The following U2AF2 variants were observed in gnomAD, a reference collection of about 807,000 sequenced individuals.
The protein encoded by U2AF2 is U2 small nuclear RNA auxiliary factor 2, also known as splicing factor U2AF 65 kDa subunit.
A neutral mutation model predicts 52.6 loss-of-function variants in U2AF2; 6 were observed. The ratio of observed to expected loss-of-function variants is 0.11; its 90% CI spans 0.06 to 0.23. The LOEUF is 0.23. Among genes scored for constraint, U2AF2 ranks in the 10% least tolerant of loss-of-function variants. The pLI, the probability that U2AF2 is intolerant of heterozygous loss-of-function variation, is 1.00. For missense variants in U2AF2, 222 were observed against 677.1 expected (o/e 0.33, Z 7.46); for synonymous variants, 284 against 258.2 (o/e 1.10, Z -0.96).
At chr19:55,659,722 G>A (rs1308124892) in intron 2 of U2AF2, among the ~76,000 whole-genome samples, 1 of 152,084 alleles carries the variant, frequency 6.6e-6, no homozygotes, top group African/African-American at 2.4e-5. Flanking sequence ...CTTCGAGGGG[G>A]TTGGTCTCTG....
intron 3 of U2AF2, 134 bp from the exon 4 acceptor site, chr19:55,660,382 C>T (rs1416720505): frequency 9.2e-7 from 1 of 1,086,284 alleles, no homozygotes; most frequent in African/African-American, 1.6e-5. Flanking sequence ...GCCCCAGACC[C>T]TCTCCTTCCC....
chr19:55,664,581 G>A (rs1365725017), intron 7 of U2AF2, among the ~76,000 whole-genome samples: 2 of 152,166 alleles, frequency 1.3e-5, no homozygotes, highest in South Asian at 2.1e-4. Flanking sequence ...TTCTGCTGGC[G>A]GGTACTCACT....
intron 7 of U2AF2, among the ~76,000 whole-genome samples, chr19:55,665,030 A>G (rs1284284138): frequency 2.6e-5 from 4 of 152,072 alleles, no homozygotes; most frequent in Non-Finnish European, 4.4e-5. Flanking sequence ...GTGCTTTTCC[A>G]TCATGGGTTT....
intron 2 of U2AF2, 74 bp from the exon 3 acceptor site, chr19:55,660,103 G>C: frequency 6.9e-7 from 1 of 1,443,908 alleles, no homozygotes; most frequent in Non-Finnish European, 9.5e-7. Context: ...CAGTGCCCTT[G>C]GGGGGGTGTG....
chr19:55,669,795 C>T (rs914120464), intron 11 of U2AF2, 103 bp downstream of exon 11: 41 of 1,434,390 alleles, frequency 2.9e-5, no homozygotes, highest in Non-Finnish European at 3.6e-5. Context: ...CCCTCCTCTT[C>T]TCCGCGCGCT....
intron 11 of U2AF2, 54 bp downstream of exon 11, chr19:55,669,746 G>T (rs528636931): frequency 2.0e-6 from 3 of 1,519,920 alleles, no homozygotes; most frequent in African/African-American, 2.8e-5. Flanking sequence ...CCTCTTCTCC[G>T]CGCCCTCTTT....
intron 1 of U2AF2, among the ~76,000 whole-genome samples, chr19:55,656,458 C>T (rs1370075937): frequency 6.6e-6 from 1 of 152,152 alleles, no homozygotes; most frequent in Non-Finnish European, 1.5e-5. Context: ...TAGATACCTG[C>T]TTTGTCGTTT....
chr19:55,667,784 C>CT (rs767601784), intron 7 of U2AF2, among the ~76,000 whole-genome samples: 156 of 143,046 alleles, frequency 1.1e-3, no homozygotes, highest in Middle Eastern at 3.6e-3. Flanking sequence ...AGGGACTGAG[C>CT]TTTTTTTTTT....
intron 1 of U2AF2, chr19:55,659,006 C>T (rs1983977095): frequency 1.3e-6 from 1 of 748,082 alleles, no homozygotes; most frequent in Non-Finnish European, 1.9e-6. Context: ...GGGGGCATTT[C>T]CAGGCCCCGT....
chr19:55,663,853 G>A, intron 7 of U2AF2, 109 bp downstream of exon 7: 1 of 1,494,320 alleles, frequency 6.7e-7, no homozygotes, highest in East Asian at 2.3e-5. Context: ...TAAGTACTGT[G>A]GAAGATAGGT....
rs1416132048 is a variant in U2AF2 at position 55,668,435 on chromosome 19, C to T, written c.743-72C>T. 9 of 1,429,044 alleles carry T rather than the reference C, an allele frequency of 6.3e-6. No individual in the cohort carries two copies. Among genetic ancestry groups the T allele is most frequent in the East Asian group, 2.3e-5 (1 of 42,572 alleles). The allele number at this position is 1,429,044 out of a possible 1,614,324, so 88.5% of individuals were successfully genotyped here. On this transcript the variant is annotated intron_variant, in intron 7 of 11. Transcript: ENST00000308924. The surrounding 1 kb of genome is among the most constrained non-coding windows in gnomAD (Gnocchi z 5.5). ...TGTTCTCTTTGGCAATTGAGGAGCT[C>T]GCCGTAGACTGTCCAGGTTTTGGGA...
intron 5 of U2AF2, chr19:55,661,865 A>G (rs1363011192): frequency 6.6e-6 from 1 of 152,454 alleles, no homozygotes. Context: ...CTCAACCTGC[A>G]CTTTGCTACA....
At chr19:55,667,729 G>A (rs896588668) in intron 7 of U2AF2, among the ~76,000 whole-genome samples, 5 of 152,090 alleles carry the variant, frequency 3.3e-5, no homozygotes, top group Admixed American at 2.0e-4. Context: ...GAGGGCAGTT[G>A]CACCCCTGCA....
intron 1 of U2AF2, among the ~76,000 whole-genome samples, chr19:55,657,490 C>G (rs1202335003): frequency 1.3e-5 from 2 of 152,168 alleles, no homozygotes; most frequent in Admixed American, 6.5e-5. Context: ...TCATTGCTTT[C>G]TCTGCGTGGG....
At chr19:55,656,183 T>G (rs1983783552) in intron 1 of U2AF2, among the ~76,000 whole-genome samples, 1 of 152,218 alleles carries the variant, frequency 6.6e-6, no homozygotes, top group South Asian at 2.1e-4. Flanking sequence ...AAATCCTCCG[T>G]GTTTCAGTTT....
intron 5 of U2AF2, chr19:55,661,931 T>TCCTCC (rs1335031329): frequency 6.6e-6 from 1 of 152,014 alleles, no homozygotes; most frequent in Non-Finnish European, 1.5e-5. Flanking sequence ...CACTCTTTTC[T>TCCTCC]CCTCCCCTCC....
intron 1 of U2AF2, among the ~76,000 whole-genome samples, chr19:55,656,435 A>G (rs987214495): frequency 2.0e-5 from 3 of 152,256 alleles, no homozygotes; most frequent in Non-Finnish European, 4.4e-5. Flanking sequence ...GGAGTTGAGC[A>G]CATCAGGAAG....
chr19:55,669,437 C>T lies in U2AF2; in HGVS notation c.1045-7C>T, dbSNP rs756140644. 2 of 1,591,658 alleles carry T rather than the reference C, an allele frequency of 1.3e-6. No homozygotes were observed. The highest frequency in any genetic ancestry group is 2.3e-5 in the South Asian group (2 of 88,598). ...CTGTGACGCCGCTGCCTCCCCTGGC[C>T]CCACAGAGCACCATCAATCAGACGC... On this transcript the variant is annotated splice_region_variant and splice_polypyrimidine_tract_variant and intron_variant, in intron 10 of 11. Coordinates refer to ENST00000308924, the MANE Select transcript of U2AF2 (RefSeq NM_007279.3).
chr19:55,656,993 G>C (rs947936127), intron 1 of U2AF2, among the ~76,000 whole-genome samples: 11 of 152,228 alleles, frequency 7.2e-5, no homozygotes, highest in Non-Finnish European at 1.5e-4. Flanking sequence ...AGAAAACCAA[G>C]TCTTAAAGGC....
Sources: gnomAD v4.1 joint callset for allele counts (sites outside exome capture counted in the v4.1 genomes callset) on GRCh38, gnomAD v4.1.1 for gene constraint, Gnocchi (gnomAD v3.1) non-coding constraint, MANE v1.5 for transcripts, NCBI Gene and HGNC (gene_info 2026-07-23, HGNC 2026-07-21) for gene names.